Variants in SMYD3 observed in about 807,000 individuals in gnomAD.
SMYD3 encodes SET and MYND domain containing 3, also known as histone-lysine N-methyltransferase SMYD3.
In SMYD3, 36 loss-of-function variants were observed where a neutral mutation model predicts 57.7. That is an observed-to-expected ratio of 0.62 (90% CI 0.48 to 0.82). The LOEUF is 0.82. Among genes scored for constraint, SMYD3 ranks in the 40% least tolerant of loss-of-function variants. The pLI, the probability that SMYD3 is intolerant of heterozygous loss-of-function variation, is 0.00. For synonymous variants in SMYD3, 211 were observed against 195.0 expected (o/e 1.08, Z -0.68); for missense variants, 515 against 538.8 (o/e 0.96, Z 0.44).
chr1:245,763,956 AGCT>A (rs2045964786), intron 11 of SMYD3, 82 bp downstream of exon 11: 2 of 995,162 alleles, frequency 2.0e-6, no homozygotes, highest in African/African-American at 3.2e-5. Flanking sequence ...ACATACATAG[AGCT>A]GCTAACAAAT....
At chr1:246,403,539 T>C (rs2066809495) in intron 1 of SMYD3, among the ~76,000 whole-genome samples, 1 of 152,178 alleles carries the variant, frequency 6.6e-6, no homozygotes, top group Non-Finnish European at 1.5e-5. Flanking sequence ...TCATCTCCTC[T>C]GGTCTCTCCT....
At chr1:246,098,576 T>C (rs1351968739) in intron 5 of SMYD3, among the ~76,000 whole-genome samples, 1 of 152,228 alleles carries the variant, frequency 6.6e-6, no homozygotes, top group Non-Finnish European at 1.5e-5. Flanking sequence ...ACAAAATAAA[T>C]GTATGAAGAT....
At chr1:246,232,234 T>C (rs961707096) in intron 5 of SMYD3, among the ~76,000 whole-genome samples, 1 of 152,186 alleles carries the variant, frequency 6.6e-6, no homozygotes, top group Non-Finnish European at 1.5e-5. Context: ...TAAAAATCAC[T>C]ATTTAAAACG....
intron 11 of SMYD3, among the ~76,000 whole-genome samples, chr1:245,751,737 G>A (rs936463442): frequency 6.6e-6 from 1 of 152,208 alleles, no homozygotes; most frequent in Non-Finnish European, 1.5e-5. Context: ...CTCACCCTGT[G>A]ACACTCCAGC....
chr1:246,262,030 G>A (rs1572298335), intron 5 of SMYD3, among the ~76,000 whole-genome samples: 1 of 147,864 alleles, frequency 6.8e-6, no homozygotes, highest in Non-Finnish European at 1.5e-5. Flanking sequence ...TCTGCTGCTT[G>A]TTTATTCTTC....
intron 10 of SMYD3, among the ~76,000 whole-genome samples, chr1:245,810,375 G>C (rs1359566192): frequency 2.6e-5 from 4 of 152,184 alleles, no homozygotes; most frequent in African/African-American, 9.7e-5. Context: ...GGCGCCCTGA[G>C]GCAGGGCACC....
At chr1:245,771,134 GTATA>G (rs895223387) in intron 10 of SMYD3, among the ~76,000 whole-genome samples, 3 of 149,474 alleles carry the variant, frequency 2.0e-5, no homozygotes, top group African/African-American at 7.3e-5. Flanking sequence ...ATATATACAT[GTATA>G]TATACATACA....
At chr1:245,900,289 A>G (rs1165680583) in intron 8 of SMYD3, among the ~76,000 whole-genome samples, 2 of 152,184 alleles carry the variant, frequency 1.3e-5, no homozygotes, top group Non-Finnish European at 2.9e-5. Flanking sequence ...AGCCTCTTCT[A>G]TAGCTAAAGG....
At chr1:245,914,012 T>C (rs2055212530) in intron 8 of SMYD3, among the ~76,000 whole-genome samples, 3 of 152,218 alleles carry the variant, frequency 2.0e-5, no homozygotes, top group Non-Finnish European at 4.4e-5. Flanking sequence ...ACTCTCATAC[T>C]AGGCTGGTGC....
chr1:246,477,336 C>T (rs1047477303), intron 1 of SMYD3, among the ~76,000 whole-genome samples: 4 of 152,184 alleles, frequency 2.6e-5, no homozygotes, highest in African/African-American at 9.7e-5. Flanking sequence ...ATAGCTTTCT[C>T]CAACGGGTAC....
chr1:246,204,162 T>TC (rs1263926184), intron 5 of SMYD3, among the ~76,000 whole-genome samples: 1 of 151,982 alleles, frequency 6.6e-6, no homozygotes, highest in Non-Finnish European at 1.5e-5. Context: ...AAACAGAAAC[T>TC]CCCCCCAAAA....
chr1:245,938,870 C>T (rs2057095196), intron 5 of SMYD3, among the ~76,000 whole-genome samples: 1 of 152,158 alleles, frequency 6.6e-6, no homozygotes, highest in Admixed American at 6.5e-5. Flanking sequence ...CAGTGAGTTG[C>T]TGCAGCAATT....
chr1:246,352,504 AAC>A (rs1407840625), intron 2 of SMYD3, among the ~76,000 whole-genome samples: 1 of 152,210 alleles, frequency 6.6e-6, no homozygotes, highest in East Asian at 1.9e-4. Flanking sequence ...GGTTGAGATA[AAC>A]ACAGCAGTTT....
At chr1:246,239,254 C>CA (rs1284754141) in intron 5 of SMYD3, among the ~76,000 whole-genome samples, 1 of 152,138 alleles carries the variant, frequency 6.6e-6, no homozygotes, top group Non-Finnish European at 1.5e-5. Context: ...CCTCTACCCC[C>CA]ACCCCATGAC....
chr1:246,415,295 C>T (rs570992475), intron 1 of SMYD3, among the ~76,000 whole-genome samples: 2 of 152,306 alleles, frequency 1.3e-5, no homozygotes, highest in Admixed American at 6.5e-5. Context: ...GCTTAGGACC[C>T]AGAGATGCAA....
chr1:246,408,061 T>C (rs1012354186), intron 1 of SMYD3, among the ~76,000 whole-genome samples: 1 of 151,772 alleles, frequency 6.6e-6, no homozygotes, highest in African/African-American at 2.4e-5. Context: ...GGGCCTCTTT[T>C]ATGAGGGCGC....
intron 1 of SMYD3, among the ~76,000 whole-genome samples, chr1:246,408,233 A>C (rs572368449): frequency 6.6e-6 from 1 of 151,958 alleles, no homozygotes; most frequent in African/African-American, 2.4e-5. Flanking sequence ...TTGATAAATA[A>C]TTTTCCATTT....
At chr1:246,250,592 G>C (rs1363847969) in intron 5 of SMYD3, among the ~76,000 whole-genome samples, 1 of 152,138 alleles carries the variant, frequency 6.6e-6, no homozygotes, top group Non-Finnish European at 1.5e-5. Flanking sequence ...TGGTAGCAGA[G>C]TATCGTGTGT....
At chr1:245,978,577 G>A (rs1408287634) in intron 5 of SMYD3, among the ~76,000 whole-genome samples, 1 of 152,114 alleles carries the variant, frequency 6.6e-6, no homozygotes, top group Non-Finnish European at 1.5e-5. Flanking sequence ...AGGGCGGGGG[G>A]CAGAGAGAAC....
Sources: allele counts gnomAD v4.1 joint callset (sites outside exome capture counted in the v4.1 genomes callset), GRCh38; gene constraint gnomAD v4.1.1; transcripts MANE v1.5; gene names NCBI Gene and HGNC (gene_info 2026-07-23, HGNC 2026-07-21).